The following MRGPRX3 variants were observed in gnomAD, a reference collection of about 807,000 sequenced individuals.
MRGPRX3 encodes MAS related GPR family member X3.
A neutral mutation model predicts 16.5 loss-of-function variants in MRGPRX3; 14 were observed. That is an observed-to-expected ratio of 0.85 (90% confidence interval 0.56 to 1.33). MRGPRX3 has a LOEUF of 1.33. MRGPRX3 is among the 40% of genes most tolerant of loss of function. The pLI is 0.00. For missense variants in MRGPRX3, 449 were observed against 413.0 expected (o/e 1.09, Z -0.76); for synonymous variants, 199 against 180.1 (o/e 1.10, Z -0.84).
intron 1 of MRGPRX3, among the ~76,000 whole-genome samples, chr11:18,136,817 G>A (rs1482646716): frequency 6.6e-6 from 1 of 152,166 alleles, no homozygotes; most frequent in Admixed American, 6.5e-5. Flanking sequence ...CTGGTCATGA[G>A]GGTGTCACAA....
intron 1 of MRGPRX3, among the ~76,000 whole-genome samples, chr11:18,135,959 C>G (rs1289874432): frequency 6.6e-6 from 1 of 152,160 alleles, no homozygotes; most frequent in African/African-American, 2.4e-5. Flanking sequence ...TTAAAAGAGG[C>G]AATACCTAAT....
At chr11:18,123,244 A>G (rs1848858035) in intron 1 of MRGPRX3, among the ~76,000 whole-genome samples, 1 of 152,024 alleles carries the variant, frequency 6.6e-6, no homozygotes, top group South Asian at 2.1e-4. Context: ...TTGGTGTTTT[A>G]GACACGAAGT....
At position 18,137,935 on chromosome 11, in the gene MRGPRX3, G is replaced by C. The variant is rs1849029960; in HGVS notation, c.733G>C (p.Asp245His). Residue 245 changes from aspartate to histidine, a missense_variant, in exon 2 of 2, where the codon GAT becomes CAT. Transcript: ENST00000621697. ...GGCCCTGTTTTCCAGGATCCACCTG[G>C]ATTGGAAAGTCTTATTTTGTCATGT... ...QWALFSRIHL[D>H]WKVLFCHVHL... The C allele has an allele frequency of 6.2e-7, 1 of 1,614,062 alleles. No individual in the cohort carries two copies. The highest frequency in any genetic ancestry group is 1.3e-5 in the African/African-American group (1 of 74,928).
chr11:18,122,298 A>T (rs1848848326), intron 1 of MRGPRX3, among the ~76,000 whole-genome samples: 1 of 152,134 alleles, frequency 6.6e-6, no homozygotes, highest in Admixed American at 6.5e-5. Context: ...GGTTTGCTGC[A>T]CTCATTAACT....
At chr11:18,124,862 C>T (rs1022333597) in intron 1 of MRGPRX3, among the ~76,000 whole-genome samples, 1 of 152,226 alleles carries the variant, frequency 6.6e-6, no homozygotes, top group African/African-American at 2.4e-5. Flanking sequence ...ACCTCAATTT[C>T]AGAGCCTGTT....
intron 1 of MRGPRX3, among the ~76,000 whole-genome samples, chr11:18,123,322 T>G (rs1245762202): frequency 1.3e-5 from 2 of 152,170 alleles, no homozygotes; most frequent in African/African-American, 2.4e-5. Flanking sequence ...TGGTTTCAGG[T>G]CTAACATTTA....
At position 18,137,580 on chromosome 11, in the gene MRGPRX3, G is replaced by T. The variant is rs1849023648; in HGVS notation, c.378G>T (p.Trp126Cys). The T allele has an allele frequency of 1.9e-6, 3 of 1,613,970 alleles. No homozygotes were observed. Among genetic ancestry groups the T allele is most frequent in the African/African-American group, 2.7e-5 (2 of 74,872 alleles). ...CCGAGCGCTGCCTGTCCATCCTGTG[G>T]CCCATCTGGTACCACTGCCGCCGCC... is the stretch of plus-strand genomic sequence containing the variant. Reference protein sequence around the residue: ...ISTERCLSILWPIWYHCRRPR... With the variant: ...ISTERCLSILCPIWYHCRRPR... The change falls in exon 2 of 2, where the codon TGG becomes TGT. Residue 126 changes from tryptophan to cysteine, a missense_variant. By Grantham distance (215) the Trp-to-Cys change is radical. Coordinates refer to ENST00000621697, the MANE Select transcript of MRGPRX3 (RefSeq NM_001370464.1).
chr11:18,132,290 C>A (rs192786115), upstream of MRGPRX3, among the ~76,000 whole-genome samples: 3 of 152,178 alleles, frequency 2.0e-5, no homozygotes, highest in East Asian at 5.8e-4. Flanking sequence ...AGGCCATTGT[C>A]AGCCTTGAAT....
At chr11:18,130,110 G>T (rs1322366444), upstream of MRGPRX3, among the ~76,000 whole-genome samples, 3 of 152,092 alleles carry the variant, frequency 2.0e-5, no homozygotes, top group Admixed American at 2.0e-4. Flanking sequence ...TTGTCCCTGA[G>T]AACTGGAACA....
intron 1 of MRGPRX3, among the ~76,000 whole-genome samples, chr11:18,135,988 T>A (rs1849004570): frequency 6.6e-6 from 1 of 152,256 alleles, no homozygotes; most frequent in Non-Finnish European, 1.5e-5. Context: ...AATCAGCTGC[T>A]GTTATTCTCC....
chr11:18,137,090 A>C, intron 1 of MRGPRX3, 88 bp from the exon 2 acceptor site: 1 of 1,331,926 alleles, frequency 7.5e-7, no homozygotes, highest in Admixed American at 2.3e-5. Context: ...TCTCCTCTTT[A>C]AATGAGGACA....
chr11:18,131,286 C>G (rs773840808), upstream of MRGPRX3, among the ~76,000 whole-genome samples: 1 of 152,126 alleles, frequency 6.6e-6, no homozygotes, highest in Admixed American at 6.5e-5. Context: ...AACTAAGCAT[C>G]TGACCAAGGA....
In MRGPRX3 at chr11:18,137,572, A is replaced by C; in HGVS notation, c.370A>C (p.Ile124Leu). Residue 124 changes from isoleucine (I) to leucine (L), a missense_variant, in exon 2 of 2, where the codon ATC becomes CTC. Transcript: ENST00000621697. Reference sequence around the variant, plus strand: ...CATCAGCACCGAGCGCTGCCTGTCCATCCTGTGGCCCATCTGGTACCACTG... The same window carrying C: ...CATCAGCACCGAGCGCTGCCTGTCCCTCCTGTGGCCCATCTGGTACCACTG... ...SAISTERCLSILWPIWYHCRR... is the reference protein window; with the variant it reads ...SAISTERCLSLLWPIWYHCRR... 1.2e-6 allele frequency: 2 copies of C among 1,613,986 alleles called. No homozygotes were observed. The highest frequency in any genetic ancestry group is 2.2e-5 in the South Asian group (2 of 91,068).
chr11:18,137,819 C>T lies in MRGPRX3; in HGVS notation c.617C>T (p.Ser206Phe), dbSNP rs1354446450. 1.2e-6 allele frequency: 2 copies of T among 1,614,146 alleles called. No homozygotes were observed. Among genetic ancestry groups the T allele is most frequent in the Admixed American group, 1.7e-5 (1 of 60,026 alleles). The change falls in exon 2 of 2, where the codon TCC (serine) becomes TTC (phenylalanine). Residue 206 changes from serine (S) to phenylalanine (F), a missense_variant. Ser to Phe is a radical substitution (Grantham distance 155, BLOSUM62 -2). Coordinates refer to ENST00000621697, the MANE Select transcript of MRGPRX3 (RefSeq NM_001370464.1). ...LVLLVRILCG[S>F]RKMPLTRLYV... ...CTGCTGGTCAGGATTCTCTGTGGAT[C>T]CCGGAAGATGCCGCTGACCAGGCTG... is the stretch of plus-strand genomic sequence containing the variant.
intron 1 of MRGPRX3, among the ~76,000 whole-genome samples, chr11:18,124,133 A>G (rs1848867609): frequency 6.6e-6 from 1 of 152,218 alleles, no homozygotes; most frequent in Non-Finnish European, 1.5e-5. Context: ...GTCATCTGCA[A>G]ACAGGGACAG....
At position 18,137,482 on chromosome 11, in the gene MRGPRX3, A is replaced by G. The variant is rs754256297; in HGVS notation, c.280A>G (p.Ile94Val). 6.2e-7 allele frequency: 1 copy of G among 1,613,914 alleles called. No individual in the cohort carries two copies. Among genetic ancestry groups the G allele is most frequent in the Non-Finnish European group, 8.5e-7 (1 of 1,179,970 alleles). Residue 94 changes from isoleucine to valine, a missense_variant, in exon 2 of 2, where the codon ATC becomes GTC. Transcript: ENST00000621697. ...PLRLINIRHP[I>V]SKILSPVMTF... Reference sequence around the variant, plus strand: ...ACGCCTCATCAATATCCGCCATCCCATCTCCAAAATCCTCAGTCCTGTGAT... The same window carrying G: ...ACGCCTCATCAATATCCGCCATCCCGTCTCCAAAATCCTCAGTCCTGTGAT...
intron 1 of MRGPRX3, among the ~76,000 whole-genome samples, chr11:18,133,297 A>G (rs10766456): frequency 0.5 from 75,807 of 151,584 alleles, 22,555 homozygotes; most frequent in East Asian, 0.82. Flanking sequence ...TACCATTGTC[A>G]CTATAGCCAT....
At chr11:18,122,796 CCCA>C (rs1372246159) in intron 1 of MRGPRX3, among the ~76,000 whole-genome samples, 2 of 152,330 alleles carry the variant, frequency 1.3e-5, no homozygotes, top group East Asian at 3.9e-4. Flanking sequence ...AGTTTACACT[CCCA>C]CCAACAGTGT....
intron 1 of MRGPRX3, among the ~76,000 whole-genome samples, chr11:18,122,126 C>CA (rs984709320): frequency 2.0e-5 from 2 of 100,610 alleles, no homozygotes; most frequent in African/African-American, 6.2e-5. Context: ...TGCTTGCATG[C>CA]AAAAAAATCT....
Sources: allele counts gnomAD v4.1 joint callset (sites outside exome capture counted in the v4.1 genomes callset), GRCh38; gene constraint gnomAD v4.1.1; transcripts MANE v1.5; gene names NCBI Gene and HGNC (gene_info 2026-07-23, HGNC 2026-07-21).